FBXO4: variants seen among roughly 807,000 people sequenced by gnomAD.
FBXO4 encodes the protein F-box only protein 4.
In FBXO4, 36 loss-of-function variants were observed where a neutral mutation model predicts 43.7. The observed-to-expected ratio is 0.82, with a 90% CI of 0.63 to 1.09. The LOEUF is 1.09. Ranked by LOEUF, FBXO4 falls within the 50% of genes least tolerant of loss-of-function variation. The pLI, the probability that FBXO4 is intolerant of heterozygous loss-of-function variation, is 0.00. For synonymous variants in FBXO4, 180 were observed against 165.6 expected, an observed-to-expected ratio of 1.09 and a Z score of -0.67; for missense variants, 435 against 474.1, an observed-to-expected ratio of 0.92 and a Z score of 0.77.
the FBXO4 span, among the ~76,000 whole-genome samples, chr5:41,979,030 G>A: frequency 6.6e-6 from 1 of 152,096 alleles, no homozygotes; most frequent in South Asian, 2.1e-4. Flanking sequence ...CTTGTAGACT[G>A]TGTAGTCTTT....
At position 41,934,134 on chromosome 5, in the gene FBXO4, A is replaced by C; in HGVS notation, c.724A>C (p.Lys242Gln). 1 of 1,613,796 alleles carries C rather than the reference A, an allele frequency of 6.2e-7. No homozygotes were observed. Among genetic ancestry groups the C allele is most frequent in the Non-Finnish European group, 8.5e-7 (1 of 1,179,898 alleles). ...NILILYSTTR[K>Q]ERDRAREEHT... The stretch of plus-strand genomic sequence containing the variant: ...CTGTCTTTACAATTTTTTTTCTAGA[A>C]AGGAAAGAGATAGAGCAAGGGAAGA... Residue 242 changes from lysine to glutamine, a missense_variant and splice_region_variant, in exon 5 of 7, where the codon AAG becomes CAG. Transcript: ENST00000281623.
chr5:42,038,137 G>C, the FBXO4 span, among the ~76,000 whole-genome samples: 1 of 152,134 alleles, frequency 6.6e-6, no homozygotes, highest in Non-Finnish European at 1.5e-5. Flanking sequence ...TTCTCAGGTA[G>C]AGCATGCCAT....
At chr5:41,966,073 C>T in the FBXO4 span, among the ~76,000 whole-genome samples, 5 of 152,218 alleles carry the variant, frequency 3.3e-5, no homozygotes, top group African/African-American at 7.2e-5. Flanking sequence ...TGCATATTCT[C>T]GCTCATAGGT....
chr5:41,953,367 G>T, the FBXO4 span, among the ~76,000 whole-genome samples: 5 of 151,874 alleles, frequency 3.3e-5, no homozygotes, highest in African/African-American at 1.2e-4. Flanking sequence ...TGGTGTATAT[G>T]TGCCACATTT....
intron 5 of FBXO4, 161 bp downstream of exon 5, chr5:41,934,469 G>A: frequency 6.8e-7 from 1 of 1,460,022 alleles, no homozygotes; most frequent in South Asian, 1.4e-5. Context: ...ACACTTTTGT[G>A]TGTATTAGGA....
chr5:42,027,069 G>A, the FBXO4 span, among the ~76,000 whole-genome samples: 1 of 151,850 alleles, frequency 6.6e-6, no homozygotes, highest in Non-Finnish European at 1.5e-5. Flanking sequence ...CATAGAATGA[G>A]TTTGAAAGCA....
chr5:42,015,578 A>C, the FBXO4 span, among the ~76,000 whole-genome samples: 1 of 152,176 alleles, frequency 6.6e-6, no homozygotes, highest in Non-Finnish European at 1.5e-5. Context: ...TGTAAGAATA[A>C]ATGTGCTAAT....
At chr5:42,001,203 A>G in the FBXO4 span, among the ~76,000 whole-genome samples, 2 of 151,274 alleles carry the variant, frequency 1.3e-5, no homozygotes, top group Non-Finnish European at 2.9e-5. Flanking sequence ...CTTCAAATCC[A>G]TGAAAACATT....
At chr5:42,036,832 AC>A in the FBXO4 span, among the ~76,000 whole-genome samples, 1 of 151,980 alleles carries the variant, frequency 6.6e-6, no homozygotes, top group East Asian at 1.9e-4. Context: ...TTCTTCACAT[AC>A]CATATGCATT....
rs1220517754 is a variant in FBXO4, at chr5:41,925,421, G to C, written c.112G>C (p.Val38Leu). The change falls in exon 1 of 7, where the codon GTG (valine) becomes CTG (leucine). Residue 38 changes from valine to leucine, a missense_variant. Transcript: ENST00000281623. ...CGGCTGGAAGACCTTCTGGCAGTCA[G>C]TGAGCAAGGAGAGGGTGGCGCGTAC... ...LSGWKTFWQS[V>L]SKERVARTTS... 2 of 1,383,332 alleles carry C rather than the reference G, an allele frequency of 1.4e-6. No homozygotes were observed. The highest frequency in any genetic ancestry group is 1.9e-6 in the Non-Finnish European group (2 of 1,062,908). The allele number at this position is 1,383,332 out of a possible 1,614,324, so 85.7% of individuals were successfully genotyped here.
the FBXO4 span, among the ~76,000 whole-genome samples, chr5:42,016,850 C>T: frequency 6.6e-6 from 1 of 151,926 alleles, no homozygotes; most frequent in African/African-American, 2.4e-5. Flanking sequence ...TTTTATCCAC[C>T]AGTGGGCAAA....
the FBXO4 span, among the ~76,000 whole-genome samples, chr5:42,015,854 G>A: frequency 6.6e-6 from 1 of 152,198 alleles, no homozygotes; most frequent in South Asian, 2.1e-4. Context: ...AAACCATTTG[G>A]AATGTAGTGG....
the FBXO4 span, among the ~76,000 whole-genome samples, chr5:42,037,576 A>G: frequency 1.3e-5 from 2 of 152,092 alleles, no homozygotes; most frequent in African/African-American, 4.8e-5. Context: ...AGAATCACGT[A>G]GACTCTGTTA....
chr5:41,927,556 A>G (rs997913961), intron 2 of FBXO4, among the ~76,000 whole-genome samples: 7 of 152,180 alleles, frequency 4.6e-5, no homozygotes, highest in Non-Finnish European at 1.0e-4. Context: ...ATAAGTAAAT[A>G]CTTTTCCGTA....
At chr5:41,975,860 A>T in the FBXO4 span, among the ~76,000 whole-genome samples, 129 of 152,278 alleles carry the variant, frequency 8.5e-4, no homozygotes, top group African/African-American at 2.9e-3. Flanking sequence ...TAAAGAAAGG[A>T]GATTTAAATG....
chr5:41,955,361 G>T, the FBXO4 span, among the ~76,000 whole-genome samples: 23 of 152,134 alleles, frequency 1.5e-4, no homozygotes, highest in Non-Finnish European at 2.8e-4. Context: ...TGTTTCCAGT[G>T]AAGATGAAGG....
chr5:42,024,202 C>G, the FBXO4 span, among the ~76,000 whole-genome samples: 1 of 152,016 alleles, frequency 6.6e-6, no homozygotes, highest in Non-Finnish European at 1.5e-5. Context: ...CAAGCTACTT[C>G]TTGAATTATT....
At chr5:42,012,193 T>G in the FBXO4 span, among the ~76,000 whole-genome samples, 5 of 152,178 alleles carry the variant, frequency 3.3e-5, no homozygotes, top group Admixed American at 3.3e-4. Context: ...CAAGGATTAT[T>G]CATCATGGTG....
the FBXO4 span, among the ~76,000 whole-genome samples, chr5:41,997,910 T>C: frequency 5.3e-5 from 8 of 152,298 alleles, no homozygotes; most frequent in Admixed American, 1.3e-4. Flanking sequence ...GTTCTAGGCC[T>C]ATAAACTGGC....
Sources: allele counts gnomAD v4.1 joint callset (sites outside exome capture counted in the v4.1 genomes callset), GRCh38; gene constraint gnomAD v4.1.1; transcripts MANE v1.5; gene names NCBI Gene and HGNC (gene_info 2026-07-23, HGNC 2026-07-21).